The following OR7C1 variants were observed in gnomAD, a reference collection of about 807,000 sequenced individuals.
OR7C1 encodes olfactory receptor 7C1.
For missense variants in OR7C1, 324 were observed against 383.3 expected, an observed-to-expected ratio of 0.85 and a Z score of 1.29; for synonymous variants, 152 against 160.7, an observed-to-expected ratio of 0.95 and a Z score of 0.41.
intron 2 of OR7C1, among the ~76,000 whole-genome samples, chr19:14,806,858 T>A (rs1374548400): frequency 1.3e-5 from 2 of 152,000 alleles, no homozygotes; most frequent in African/African-American, 4.8e-5. Context: ...TGTGGATGTA[T>A]ATTTATAATA....
chr19:14,803,586 G>T (rs1305214036), intron 2 of OR7C1, among the ~76,000 whole-genome samples: 1 of 152,004 alleles, frequency 6.6e-6, no homozygotes, highest in East Asian at 1.9e-4. Flanking sequence ...ATCTATATCT[G>T]CAGCTTGATT....
At chr19:14,819,653 G>A (rs1313598680) in intron 1 of OR7C1, among the ~76,000 whole-genome samples, 2 of 152,084 alleles carry the variant, frequency 1.3e-5, no homozygotes, top group African/African-American at 4.8e-5. Context: ...CCACTATGTG[G>A]AACATATTCT....
At chr19:14,814,942 A>G (rs747995877) in intron 1 of OR7C1, among the ~76,000 whole-genome samples, 4 of 152,182 alleles carry the variant, frequency 2.6e-5, no homozygotes, top group African/African-American at 4.8e-5. Context: ...AAGATACCCA[A>G]TTATAAGCAG....
At chr19:14,800,937 C>T (rs766572016) in intron 2 of OR7C1, among the ~76,000 whole-genome samples, 173 bp from the exon 3 acceptor site, 3 of 152,224 alleles carry the variant, frequency 2.0e-5, no homozygotes, top group South Asian at 2.1e-4. Context: ...GTCCTTTCCT[C>T]TCGGAGACCC....
intron 1 of OR7C1, chr19:14,827,211 G>A (rs2044776193): frequency 2.1e-6 from 3 of 1,400,866 alleles, no homozygotes; most frequent in African/African-American, 2.9e-5. Flanking sequence ...ATTAATAGAA[G>A]GAGCAAGTTC....
rs2145067712 is a variant in OR7C1, at chr19:14,820,180, G to A, written c.-622-10187C>T. On this transcript the variant is annotated intron_variant, in intron 1 of 4. Transcript: ENST00000641666. Reference sequence around the variant, plus strand: ...GCCCACCTTGGCCTCCCAAAGTGCTGGGATTACAGGCATGAGCCACTGCGC... The same window carrying A: ...GCCCACCTTGGCCTCCCAAAGTGCTAGGATTACAGGCATGAGCCACTGCGC... Among the ~76,000 whole-genome samples, 4 of 152,236 alleles carry A rather than the reference G, an allele frequency of 2.6e-5. 1 individual carries two copies. The Middle Eastern group carries it at 0.014, about 518-fold the overall frequency.
chr19:14,827,845 T>G, intron 1 of OR7C1: 1 of 1,614,148 alleles, frequency 6.2e-7, no homozygotes, highest in Non-Finnish European at 8.5e-7. Context: ...ATAATGACCA[T>G]GTAGTGCAGG....
At chr19:14,815,284 T>C (rs1420157201) in intron 1 of OR7C1, among the ~76,000 whole-genome samples, 1 of 152,242 alleles carries the variant, frequency 6.6e-6, no homozygotes, top group Non-Finnish European at 1.5e-5. Flanking sequence ...TTTTGAGGGA[T>C]AGGGTCTACT....
chr19:14,828,561 C>T, intron 1 of OR7C1, among the ~76,000 whole-genome samples: 1 of 151,890 alleles, frequency 6.6e-6, no homozygotes, highest in Non-Finnish European at 1.5e-5. Context: ...GAGGTTGAGA[C>T]CATCCTGGCC....
At chr19:14,806,646 A>T (rs559819299) in intron 2 of OR7C1, among the ~76,000 whole-genome samples, 1 of 151,942 alleles carries the variant, frequency 6.6e-6, no homozygotes, top group East Asian at 1.9e-4. Context: ...TTGGTTTTCC[A>T]TTCCTGTGTT....
At chr19:14,828,269 G>A (rs1599924627) in intron 1 of OR7C1, 1 of 1,580,116 alleles carries the variant, frequency 6.3e-7, no homozygotes. Context: ...CAGAGAGAGA[G>A]AGAGAAAGAG....
At chr19:14,828,341 C>T in intron 1 of OR7C1, 1 of 1,289,254 alleles carries the variant, frequency 7.8e-7, no homozygotes, top group Non-Finnish European at 1.1e-6. Flanking sequence ...ATTTTATAGC[C>T]AATAAATTAT....
chr19:14,820,404 C>T (rs961762452), intron 1 of OR7C1, among the ~76,000 whole-genome samples: 5 of 6,280 alleles, frequency 8.0e-4, no homozygotes, highest in Admixed American at 2.2e-3. Context: ...GTTGGGGGGT[C>T]GGGGGCAAGG....
At position 14,800,523 on chromosome 19, in the gene OR7C1, A is replaced by T. The variant is rs2044636434; in HGVS notation, c.-203+10T>A. ...ATTAGTGATATAGGAGTTAAGAAAA[A>T]ATCACTTACGCAGATAGTAAGGTTA... On this transcript the variant is annotated intron_variant, in intron 3 of 4. Coordinates refer to ENST00000641666, the Ensembl canonical transcript of OR7C1. 5.9e-6 allele frequency: 1 copy of T among 169,360 alleles called. No individual in the cohort carries two copies. Among genetic ancestry groups the T allele is most frequent in the Admixed American group, 5.9e-5 (1 of 17,040 alleles). 10.5% of individuals were successfully genotyped at this position (169,360 alleles called of 1,614,324 possible). A position where few individuals can be genotyped will look rare whatever the true frequency, so the allele number is the denominator to read the frequency against.
intron 1 of OR7C1, among the ~76,000 whole-genome samples, chr19:14,812,897 CTACTAAATA>C (rs2044698003): frequency 6.6e-6 from 1 of 151,698 alleles, no homozygotes; most frequent in Non-Finnish European, 1.5e-5. Flanking sequence ...AACCCCATCT[CTACTAAATA>C]TACAAAAAAT....
At chr19:14,821,574 A>G (rs889984684) in intron 1 of OR7C1, 9 of 152,244 alleles carry the variant, frequency 5.9e-5, no homozygotes, top group Admixed American at 4.6e-4. Flanking sequence ...AGTAAGAAAT[A>G]CCTTTTACAT....
At chr19:14,814,545 T>C (rs1365106777) in intron 1 of OR7C1, among the ~76,000 whole-genome samples, 3 of 152,056 alleles carry the variant, frequency 2.0e-5, no homozygotes, top group East Asian at 3.9e-4. Flanking sequence ...TGCCTCAGTC[T>C]CCTGAGTAGC....
chr19:14,822,373 C>CTTTTTTTTTTTTTTTTTT (rs1162241411), intron 1 of OR7C1, among the ~76,000 whole-genome samples: 2 of 67,722 alleles, frequency 3.0e-5, no homozygotes, highest in Non-Finnish European at 5.6e-5. Flanking sequence ...TATCTCCTGT[C>CTTTTTTTTTTTTTTTTTT]TTTTTTTTTT....
At chr19:14,802,079 T>G (rs1433025790) in intron 2 of OR7C1, among the ~76,000 whole-genome samples, 2 of 152,252 alleles carry the variant, frequency 1.3e-5, no homozygotes, top group African/African-American at 2.4e-5. Flanking sequence ...AAAAGGTGAC[T>G]GAAACCAGGT....
Sources: gnomAD v4.1 joint callset for allele counts (sites outside exome capture counted in the v4.1 genomes callset) on GRCh38, gnomAD v4.1.1 for gene constraint, MANE v1.5 for transcripts, NCBI Gene and HGNC (gene_info 2026-07-23, HGNC 2026-07-21) for gene names.